Variants in MACF1 observed in about 807,000 individuals in gnomAD.
MACF1 encodes the protein microtubule-actin cross-linking factor 1.
MACF1 carries 193 observed loss-of-function variants against 854.8 expected under a neutral mutation model. The observed-to-expected ratio is 0.23, with a 90% CI of 0.20 to 0.25. The LOEUF is 0.25. Ranked by LOEUF, MACF1 falls within the 10% of genes least tolerant of loss-of-function variation. MACF1 has a pLI of 1.00. For synonymous variants in MACF1, 3,185 were observed against 3,226.7 expected (o/e 0.99, Z 0.44); for missense variants, 7,722 against 8,929.1 (o/e 0.86, Z 5.45).
At chr1:39,235,183 G>A (rs575299767) in intron 2 of MACF1, among the ~76,000 whole-genome samples, 414 of 152,196 alleles carry the variant, frequency 2.7e-3, no homozygotes, top group Non-Finnish European at 4.1e-3. Context: ...GTAGCGAGCC[G>A]AGATCACGCC....
intron 6 of MACF1, among the ~76,000 whole-genome samples, chr1:39,280,487 C>T (rs1645522131): frequency 6.6e-6 from 1 of 151,792 alleles, no homozygotes; most frequent in African/African-American, 2.4e-5. Context: ...AGATGTGGTG[C>T]CAGCCCCCCT....
In MACF1 at chr1:39,287,513, G is replaced by A. The variant is rs765103285; in HGVS notation, c.1736G>A (p.Gly579Asp). The A allele has an allele frequency of 4.3e-6, 7 of 1,614,044 alleles. No individual in the cohort carries two copies. The highest frequency in any genetic ancestry group is 2.2e-5 in the East Asian group (1 of 44,886). The change falls in exon 15 of 101, where the codon GGC becomes GAC. Residue 579 changes from glycine (G) to aspartate (D), a missense_variant. Physicochemically the swap from Gly to Asp is moderately conservative, Grantham distance 94. Around this residue, in one of 15 missense-constraint regions of MACF1, gnomAD observed 1,137 missense variants for 1,263.0 expected, o/e 0.90. Coordinates refer to ENST00000564288, the MANE Select transcript of MACF1 (RefSeq NM_001394062.1). The stretch of plus-strand genomic sequence containing the variant: ...GCCATCAGCTCCTCTGAAGATGAAG[G>A]CAATCTCCGATTTGTGTATGAACTA... ...LVAISSSEDEGNLRFVYELLS... is the reference protein window; with the variant it reads ...LVAISSSEDEDNLRFVYELLS...
chr1:39,396,637 T>C (rs920509588), intron 58 of MACF1, among the ~76,000 whole-genome samples: 4 of 152,242 alleles, frequency 2.6e-5, no homozygotes, highest in South Asian at 2.1e-4. Context: ...AGGCTGGTTC[T>C]GGAGCTTCAG....
At chr1:39,201,352 A>G (rs556175203), upstream of MACF1, among the ~76,000 whole-genome samples, 8 of 152,068 alleles carry the variant, frequency 5.3e-5, no homozygotes, top group African/African-American at 1.7e-4. Flanking sequence ...TCAACATAGG[A>G]ACAAGAATGA....
intron 69 of MACF1, among the ~76,000 whole-genome samples, chr1:39,434,995 G>A (rs1643941785): frequency 6.6e-6 from 1 of 152,166 alleles, no homozygotes; most frequent in South Asian, 2.1e-4. Context: ...AAGCCATGAG[G>A]TAATGTCAAA....
chr1:39,315,598 C>G lies in MACF1; in HGVS notation c.3356C>G (p.Ser1119Cys), dbSNP rs1035300774. The part of the protein sequence containing the change: ...KCDSFLHQSP[S>C]SSSVPTLRSE... ...GACAGCTTTCTCCATCAGTCTCCAT[C>G]TAGTTCAAGTGTCCCAACTCTGCGC... The change falls in exon 27 of 101, where the codon TCT (serine) becomes TGT (cysteine). Residue 1119 changes from serine (S) to cysteine (C), a missense_variant. By Grantham distance (112) the Ser-to-Cys change is moderately radical (BLOSUM62 -1). Transcript: ENST00000564288. 2 of 1,614,128 alleles carry G rather than the reference C, an allele frequency of 1.2e-6. No homozygotes were observed. The highest frequency in any genetic ancestry group is 1.7e-5 in the Admixed American group (1 of 60,030).
chr1:39,404,338 G>T (rs994945106), intron 58 of MACF1, among the ~76,000 whole-genome samples: 1 of 151,710 alleles, frequency 6.6e-6, no homozygotes, highest in Non-Finnish European at 1.5e-5. Context: ...GGGCATGGTG[G>T]TGCACACCTG....
At chr1:39,248,332 AAAAAAGAAACCCCT>A (rs1429191323) in intron 2 of MACF1, among the ~76,000 whole-genome samples, 2 of 152,058 alleles carry the variant, frequency 1.3e-5, no homozygotes, top group South Asian at 2.1e-4. Flanking sequence ...AGACAGGGTT[AAAAAAGAAACCCCT>A]CATTACAAAA....
chr1:39,477,135 T>TACACACACAC (rs1553458204), intron 97 of MACF1, among the ~76,000 whole-genome samples: 1,093 of 103,116 alleles, frequency 0.011, 70 homozygotes, highest in African/African-American at 0.039. Context: ...TATATATATA[T>TACACACACAC]ACACACACAC....
At chr1:39,462,102 T>C (rs368363657) in intron 93 of MACF1, 65 bp downstream of exon 93, 1 of 1,529,736 alleles carries the variant, frequency 6.5e-7, no homozygotes, top group East Asian at 2.3e-5. Flanking sequence ...CTGAATTTGG[T>C]TGGGTTCAGT....
chr1:39,454,870 T>C (rs976755823), intron 88 of MACF1, 39 bp from the exon 89 acceptor site: 1 of 1,570,288 alleles, frequency 6.4e-7, no homozygotes. Flanking sequence ...GGGGGTATGC[T>C]TGACTGAAAG....
intron 58 of MACF1, among the ~76,000 whole-genome samples, chr1:39,399,629 G>A (rs1314360829): frequency 2.0e-5 from 3 of 151,844 alleles, no homozygotes; most frequent in East Asian, 1.9e-4. Context: ...CACCCACCTC[G>A]GCCTCCCAAA....
At chr1:39,303,728 A>C (rs1367524128) in intron 23 of MACF1, among the ~76,000 whole-genome samples, 1 of 150,114 alleles carries the variant, frequency 6.7e-6, no homozygotes, top group East Asian at 2.0e-4. Flanking sequence ...GCCGGGCGTG[A>C]TGGCAGGCCC....
intron 2 of MACF1, among the ~76,000 whole-genome samples, chr1:39,109,102 G>T (rs915852689): frequency 8.5e-5 from 13 of 152,282 alleles, no homozygotes; most frequent in Middle Eastern, 3.4e-3. Context: ...GTGGGCTCCA[G>T]TCCTAGTTTT....
intron 52 of MACF1, among the ~76,000 whole-genome samples, chr1:39,373,991 C>A (rs139522812): frequency 2.7e-4 from 41 of 152,224 alleles, no homozygotes; most frequent in Admixed American, 2.6e-3. Context: ...CCTGTAATCC[C>A]AGCACTTTGG....
At chr1:39,214,628 G>C (rs1476631201) in intron 1 of MACF1, among the ~76,000 whole-genome samples, 1 of 152,200 alleles carries the variant, frequency 6.6e-6, no homozygotes, top group Admixed American at 6.5e-5. Context: ...CTGAGGCGAG[G>C]CTGGCTGAGG....
intron 15 of MACF1, among the ~76,000 whole-genome samples, chr1:39,289,920 G>A (rs1183640558): frequency 6.6e-6 from 1 of 151,748 alleles, no homozygotes; most frequent in Non-Finnish European, 1.5e-5. Flanking sequence ...GGCTGGTCTC[G>A]AACTCCTGAC....
chr1:39,251,962 C>T, intron 4 of MACF1, 21 bp downstream of exon 4: 1 of 1,460,292 alleles, frequency 6.8e-7, no homozygotes, highest in Non-Finnish European at 9.1e-7. Context: ...CTGGGGATGC[C>T]AGCATCCCAG....
chr1:39,191,199 CTT>C (rs10708375), intron 2 of MACF1, among the ~76,000 whole-genome samples: 9,168 of 135,458 alleles, frequency 0.068, 459 homozygotes, highest in East Asian at 0.15. Context: ...TTCTTTCTTT[CTT>C]TTTTTTTTTT....
Sources: gnomAD v4.1 joint callset for allele counts (sites outside exome capture counted in the v4.1 genomes callset) on GRCh38, gnomAD v4.1.1 for gene constraint, gnomAD v4.1.1 regional missense constraint, MANE v1.5 for transcripts, NCBI Gene and HGNC (gene_info 2026-07-23, HGNC 2026-07-21) for gene names.